The following ARMC12 variants were observed in gnomAD, a reference collection of about 807,000 sequenced individuals.
The protein encoded by ARMC12 is armadillo repeat-containing protein 12.
A neutral mutation model predicts 37.4 loss-of-function variants in ARMC12; 25 were observed. The observed-to-expected ratio is 0.67, with a 90% CI of 0.49 to 0.93. The LOEUF is 0.93. Ranked by LOEUF, ARMC12 falls within the 40% of genes least tolerant of loss-of-function variation. The pLI is 0.00. For missense variants in ARMC12, 384 were observed against 426.6 expected (o/e 0.90, Z 0.88); for synonymous variants, 167 against 176.1 (o/e 0.95, Z 0.41).
intron 3 of ARMC12, among the ~76,000 whole-genome samples, chr6:35,741,030 G>A (rs1216916892): frequency 6.6e-6 from 1 of 151,624 alleles, no homozygotes; most frequent in Non-Finnish European, 1.5e-5. Flanking sequence ...TCCCCTAGTA[G>A]CTGGGAGTAC....
chr6:35,735,535 C>A (rs1766938071), upstream of ARMC12, among the ~76,000 whole-genome samples: 1 of 152,156 alleles, frequency 6.6e-6, no homozygotes, highest in Non-Finnish European at 1.5e-5. This position sits in a 1 kb window ranked among gnomAD's most constrained non-coding sequence, Gnocchi z 4.0. Context: ...TGTTTCCCTA[C>A]CTCCTTCCAT....
At chr6:35,744,520 G>A (rs1481252505) in intron 3 of ARMC12, among the ~76,000 whole-genome samples, 1 of 152,056 alleles carries the variant, frequency 6.6e-6, no homozygotes, top group Non-Finnish European at 1.5e-5. Context: ...TGAATGTTAG[G>A]CCAGGCATGG....
At chr6:35,734,806 A>C (rs1188244153), upstream of ARMC12, among the ~76,000 whole-genome samples, 1 of 152,088 alleles carries the variant, frequency 6.6e-6, no homozygotes, top group Non-Finnish European at 1.5e-5. Flanking sequence ...TGTCTCAAAA[A>C]AAAGAAAAAA....
At chr6:35,737,499 C>A in intron 1 of ARMC12, 2 of 1,309,960 alleles carry the variant, frequency 1.5e-6, no homozygotes, top group Non-Finnish European at 2.1e-6. Flanking sequence ...ACTCATCTGG[C>A]AGGTCTCCAA....
At chr6:35,747,726 A>G in intron 5 of ARMC12, 79 bp downstream of exon 5, 13 of 1,431,578 alleles carry the variant, frequency 9.1e-6, no homozygotes, top group South Asian at 1.2e-5. Context: ...ATCTCCAGAC[A>G]GATTTACCCC....
chr6:35,734,857 A>G (rs372479471), upstream of ARMC12, among the ~76,000 whole-genome samples: 2 of 152,252 alleles, frequency 1.3e-5, no homozygotes, highest in East Asian at 3.9e-4. Context: ...AAAGATGGTC[A>G]ATGGACTTTA....
chr6:35,740,361 T>G (rs1767127527), intron 3 of ARMC12, among the ~76,000 whole-genome samples: 1 of 151,990 alleles, frequency 6.6e-6, no homozygotes, highest in Non-Finnish European at 1.5e-5. Context: ...CAATCCTGCC[T>G]CCCACCCCTT....
intron 1 of ARMC12, 39 bp downstream of exon 1, chr6:35,737,310 G>A (rs768172497): frequency 1.2e-6 from 2 of 1,614,216 alleles, no homozygotes; most frequent in South Asian, 2.2e-5. Context: ...TCTGCCCCAG[G>A]AGGCACCTGC....
chr6:35,743,282 T>C (rs1767232675), intron 3 of ARMC12, among the ~76,000 whole-genome samples: 1 of 151,748 alleles, frequency 6.6e-6, no homozygotes, highest in Non-Finnish European at 1.5e-5. Context: ...AATGGCGCGA[T>C]CTCAGCTCAC....
chr6:35,746,232 G>A (rs945544721), intron 3 of ARMC12, among the ~76,000 whole-genome samples: 16 of 152,104 alleles, frequency 1.1e-4, no homozygotes, highest in Non-Finnish European at 1.8e-4. Context: ...TAAAGGAGGT[G>A]TGAGAGTGAG....
chr6:35,748,803 C>G lies in ARMC12; in HGVS notation c.956C>G (p.Pro319Arg). The change falls in exon 6 of 6, where the codon CCC (proline) becomes CGC (arginine). Residue 319 changes from proline (P) to arginine (R), a missense_variant. Pro to Arg is a moderately radical substitution (Grantham distance 103). Coordinates refer to ENST00000373866, the MANE Select transcript of ARMC12 (RefSeq NM_001286574.2). Reference sequence around the variant, plus strand: ...AAGGTCATTGTCAGCCTGCAGTATCCCCAGGACTTGAGAGCCCGGCCCTCC... The same window carrying G: ...AAGGTCATTGTCAGCCTGCAGTATCGCCAGGACTTGAGAGCCCGGCCCTCC... ...ACKVIVSLQY[P>R]QDLRARPSSC... is the part of the protein sequence containing the mutation. 1 of 1,614,202 alleles carries G rather than the reference C, an allele frequency of 6.2e-7. No individual in the cohort carries two copies. The highest frequency in any genetic ancestry group is 8.5e-7 in the Non-Finnish European group (1 of 1,180,030).
At chr6:35,738,001 T>G (rs763297036) in intron 1 of ARMC12, 26 bp from the exon 2 acceptor site, 2 of 1,610,512 alleles carry the variant, frequency 1.2e-6, no homozygotes, top group Non-Finnish European at 1.7e-6. Context: ...GTCCACAGCC[T>G]GAACTGGGCT....
chr6:35,748,744 C>T lies in ARMC12; in HGVS notation c.897C>T (p.Ile299=). The change falls in exon 6 of 6, where the codon ATC becomes ATT. Residue 299 remains isoleucine, a synonymous_variant. Coordinates refer to ENST00000373866, the MANE Select transcript of ARMC12 (RefSeq NM_001286574.2). ...RLADRLLALV[I]HPEEDVQIQA... Reference sequence around the variant, plus strand: ...CAGACCGACTACTTGCCCTGGTCATCCACCCTGAGGAAGATGTTCAGATCC... The same window carrying T: ...CAGACCGACTACTTGCCCTGGTCATTCACCCTGAGGAAGATGTTCAGATCC... 6.2e-7 allele frequency: 1 copy of T among 1,614,236 alleles called. No homozygotes were observed. The highest frequency in any genetic ancestry group is 8.5e-7 in the Non-Finnish European group (1 of 1,180,038).
At chr6:35,736,989 T>C, upstream of ARMC12, 3 of 1,459,862 alleles carry the variant, frequency 2.1e-6, no homozygotes, top group Non-Finnish European at 1.8e-6. Flanking sequence ...GTTTCCTTTG[T>C]TGCCTAGGTT....
Position 35,748,815 on chromosome 6 carries a change from G to A in ARMC12, c.968G>A (p.Arg323Lys), listed in dbSNP as rs967404963. The change falls in exon 6 of 6, where the codon AGA (arginine) becomes AAA (lysine). Residue 323 changes from arginine (R) to lysine (K), a missense_variant. Physicochemically the swap from Arg to Lys is conservative, Grantham distance 26. Transcript: ENST00000373866. The part of the protein sequence containing the change: ...IVSLQYPQDL[R>K]ARPSSCQPSR... ...AGCCTGCAGTATCCCCAGGACTTGA[G>A]AGCCCGGCCCTCCTCCTGCCAGCCC... 14 of 1,614,044 alleles carry A rather than the reference G, an allele frequency of 8.7e-6. 1 individual carries two copies. Among genetic ancestry groups the A allele is most frequent in the African/African-American group, 4.0e-5 (3 of 74,934 alleles).
chr6:35,741,007 C>T (rs1767148765), intron 3 of ARMC12, among the ~76,000 whole-genome samples: 1 of 151,072 alleles, frequency 6.6e-6, no homozygotes. Flanking sequence ...TCAAGCAGTC[C>T]TCCCACCTCA....
intron 3 of ARMC12, among the ~76,000 whole-genome samples, chr6:35,742,139 C>A (rs545684624): frequency 9.9e-5 from 15 of 151,926 alleles, no homozygotes; most frequent in African/African-American, 2.9e-4. Flanking sequence ...TTGCAGGTGT[C>A]AGTCACCACA....
At chr6:35,739,966 A>G (rs570323929) in intron 3 of ARMC12, among the ~76,000 whole-genome samples, 96 of 152,330 alleles carry the variant, frequency 6.3e-4, no homozygotes, top group African/African-American at 2.3e-3. Flanking sequence ...GGCAACCAGA[A>G]GCTATCCAAG....
At chr6:35,742,858 A>G (rs1767215493) in intron 3 of ARMC12, among the ~76,000 whole-genome samples, 1 of 152,194 alleles carries the variant, frequency 6.6e-6, no homozygotes, top group East Asian at 1.9e-4. Context: ...CTCTCTCCAG[A>G]GGGCTCTTAG....
Sources: allele counts gnomAD v4.1 joint callset (sites outside exome capture counted in the v4.1 genomes callset), GRCh38; gene constraint gnomAD v4.1.1; non-coding constraint Gnocchi (gnomAD v3.1); transcripts MANE v1.5; gene names NCBI Gene and HGNC (gene_info 2026-07-23, HGNC 2026-07-21).